GRIK3: variants seen among roughly 807,000 people sequenced by gnomAD.
The protein encoded by GRIK3 is glutamate ionotropic receptor kainate type subunit 3.
In GRIK3, 29 loss-of-function variants were observed where a neutral mutation model predicts 102.5. That is an observed-to-expected ratio of 0.28 (90% CI 0.21 to 0.39). The LOEUF (loss-of-function observed/expected upper bound fraction) is 0.39, where lower values mean the gene tolerates loss of function less well. Ranked by LOEUF, GRIK3 falls within the 10% of genes least tolerant of loss-of-function variation. The pLI is 1.00. For missense variants in GRIK3, 908 were observed against 1,252.4 expected (o/e 0.73, Z 4.15); for synonymous variants, 511 against 504.9 (o/e 1.01, Z -0.16).
At chr1:37,002,136 A>G (rs1642484559) in intron 1 of GRIK3, among the ~76,000 whole-genome samples, 1 of 152,244 alleles carries the variant, frequency 6.6e-6, no homozygotes, top group Non-Finnish European at 1.5e-5. Flanking sequence ...AGCTTCTGCC[A>G]ATGTTGATTT....
intron 1 of GRIK3, among the ~76,000 whole-genome samples, chr1:36,971,259 T>A (rs1025715053): frequency 5.9e-5 from 9 of 152,210 alleles, no homozygotes; most frequent in Non-Finnish European, 8.8e-5. Flanking sequence ...GATAGCCACA[T>A]GACCAAGTCC....
At chr1:36,947,652 C>T (rs1641799587) in intron 1 of GRIK3, among the ~76,000 whole-genome samples, 1 of 152,104 alleles carries the variant, frequency 6.6e-6, no homozygotes, top group Admixed American at 6.6e-5. Context: ...AGAGCTCACC[C>T]CCTCCAGTGA....
chr1:36,900,697 A>T (rs1462919061), intron 1 of GRIK3, among the ~76,000 whole-genome samples: 1 of 152,168 alleles, frequency 6.6e-6, no homozygotes, highest in Admixed American at 6.5e-5. Flanking sequence ...AGAAATAATA[A>T]AAATTAGATC....
rs112127211 is a variant in GRIK3, at chr1:36,963,394, G to A, written c.115+70600C>T. Among the ~76,000 whole-genome samples, 992 of 152,332 alleles carry A rather than the reference G, an allele frequency of 6.5e-3. 8 individuals are homozygous for A. Among genetic ancestry groups the A allele is most frequent in the African/African-American group, 0.023 (957 of 41,568 alleles). On this transcript the variant is annotated intron_variant, in intron 1 of 15. Transcript: ENST00000373091. ...GTGAGAGTCACACCAATGCTTCCCA[G>A]TGATTTCCTGCATGCCTGGGAGGAG... is the stretch of plus-strand genomic sequence containing the variant.
At chr1:36,838,824 T>C (rs957590579) in intron 10 of GRIK3, among the ~76,000 whole-genome samples, 12 of 152,206 alleles carry the variant, frequency 7.9e-5, no homozygotes, top group African/African-American at 2.7e-4. Flanking sequence ...GACACTAATA[T>C]ATGGTTATGA....
intron 1 of GRIK3, among the ~76,000 whole-genome samples, chr1:37,019,696 G>A (rs1030305649): frequency 6.6e-6 from 1 of 152,136 alleles, no homozygotes; most frequent in Non-Finnish European, 1.5e-5. Flanking sequence ...GAATCAATGA[G>A]TCAGCCCAGA....
At chr1:36,931,419 T>C (rs888964136) in intron 1 of GRIK3, among the ~76,000 whole-genome samples, 58 of 152,228 alleles carry the variant, frequency 3.8e-4, no homozygotes, top group Non-Finnish European at 7.3e-5. Flanking sequence ...TTCATCACTC[T>C]GTTATTTATT....
intron 1 of GRIK3, among the ~76,000 whole-genome samples, chr1:36,897,933 C>T (rs1373877788): frequency 6.6e-6 from 1 of 152,090 alleles, no homozygotes; most frequent in East Asian, 1.9e-4. Context: ...AAATGTGGTG[C>T]TTATACACAA....
chr1:36,993,769 T>A (rs1424216337), intron 1 of GRIK3, among the ~76,000 whole-genome samples: 1 of 152,196 alleles, frequency 6.6e-6, no homozygotes, highest in African/African-American at 2.4e-5. Context: ...CCCAAGGTCA[T>A]GCCTCCTTCC....
At chr1:36,910,483 C>T (rs756512951) in intron 1 of GRIK3, among the ~76,000 whole-genome samples, 6 of 152,214 alleles carry the variant, frequency 3.9e-5, no homozygotes, top group Non-Finnish European at 8.8e-5. Context: ...CTCTCTGCTG[C>T]GCCTTAGCCA....
intron 12 of GRIK3, among the ~76,000 whole-genome samples, chr1:36,817,940 C>T (rs1167619968): frequency 2.6e-5 from 4 of 152,154 alleles, no homozygotes; most frequent in African/African-American, 9.7e-5. Context: ...CTTTTTGAAG[C>T]TCTTTGCCGA....
intron 5 of GRIK3, among the ~76,000 whole-genome samples, chr1:36,863,889 A>G (rs979332643): frequency 6.6e-6 from 1 of 152,172 alleles, no homozygotes; most frequent in African/African-American, 2.4e-5. Flanking sequence ...GCACTTAAGC[A>G]TCACTGAGAA....
At chr1:36,842,413 C>T (rs894565864) in intron 9 of GRIK3, among the ~76,000 whole-genome samples, 3 of 152,214 alleles carry the variant, frequency 2.0e-5, no homozygotes, top group Non-Finnish European at 2.9e-5. Context: ...TTTTCAGAAG[C>T]CTTCCAGGGA....
chr1:36,923,463 C>A (rs1484439206), intron 1 of GRIK3, among the ~76,000 whole-genome samples: 1 of 152,134 alleles, frequency 6.6e-6, no homozygotes, highest in East Asian at 1.9e-4. Context: ...TTTGCTGGAG[C>A]CAAATTTTGC....
intron 12 of GRIK3, among the ~76,000 whole-genome samples, chr1:36,817,945 T>G (rs890662278): frequency 2.6e-5 from 4 of 152,242 alleles, no homozygotes; most frequent in African/African-American, 9.6e-5. Flanking sequence ...TGAAGCTCTT[T>G]GCCGAAATAT....
At chr1:36,818,441 C>T (rs1020051198) in intron 12 of GRIK3, among the ~76,000 whole-genome samples, 4 of 152,198 alleles carry the variant, frequency 2.6e-5, no homozygotes, top group Admixed American at 1.3e-4. Flanking sequence ...GTGTCCCCTC[C>T]CCAACTGGCC....
At chr1:36,870,603 A>C (rs1640832426) in intron 4 of GRIK3, among the ~76,000 whole-genome samples, 1 of 152,208 alleles carries the variant, frequency 6.6e-6, no homozygotes, top group Admixed American at 6.5e-5. Flanking sequence ...GTCTCAGAGA[A>C]GTCCTGCAAG....
At chr1:36,939,361 T>C (rs894351745) in intron 1 of GRIK3, among the ~76,000 whole-genome samples, 1 of 152,202 alleles carries the variant, frequency 6.6e-6, no homozygotes, top group Non-Finnish European at 1.5e-5. Context: ...TGGCTTTGCA[T>C]ACTCACAAGC....
At chr1:36,832,979 A>G (rs1206454165) in intron 10 of GRIK3, among the ~76,000 whole-genome samples, 1 of 152,140 alleles carries the variant, frequency 6.6e-6, no homozygotes, top group Non-Finnish European at 1.5e-5. Flanking sequence ...CTTTATCACT[A>G]TGAAATTTTT....
Sources: gnomAD v4.1 joint callset for allele counts (sites outside exome capture counted in the v4.1 genomes callset) on GRCh38, gnomAD v4.1.1 for gene constraint, MANE v1.5 for transcripts, NCBI Gene and HGNC (gene_info 2026-07-23, HGNC 2026-07-21) for gene names.